The following DYNC1I1 variants were observed in gnomAD, a reference collection of about 807,000 sequenced individuals.
The protein encoded by DYNC1I1 is cytoplasmic dynein 1 intermediate chain 1.
A neutral mutation model predicts 86.6 loss-of-function variants in DYNC1I1; 43 were observed. The ratio of observed to expected loss-of-function variants is 0.50; its 90% CI spans 0.39 to 0.64. The LOEUF is 0.64. DYNC1I1 is among the 30% of genes least tolerant of loss of function. DYNC1I1 has a pLI of 0.00. For synonymous variants in DYNC1I1, 262 were observed against 283.7 expected, an observed-to-expected ratio of 0.92 and a Z score of 0.77; for missense variants, 604 against 788.8, an observed-to-expected ratio of 0.77 and a Z score of 2.81.
At chr7:96,028,023 G>A in intron 10 of DYNC1I1, 152 bp from the exon 11 acceptor site, 1 of 1,111,020 alleles carries the variant, frequency 9.0e-7, no homozygotes, top group Non-Finnish European at 1.3e-6. Flanking sequence ...AAATTTCTTA[G>A]TAACTATGCA....
chr7:96,109,066 G>C (rs1333398078), intron 16 of DYNC1I1, among the ~76,000 whole-genome samples: 1 of 151,960 alleles, frequency 6.6e-6, no homozygotes, highest in Non-Finnish European at 1.5e-5. Context: ...TGTAGACTCT[G>C]TACTGCTGTC....
chr7:95,868,678 T>A (rs559191531), intron 5 of DYNC1I1, among the ~76,000 whole-genome samples: 8 of 152,278 alleles, frequency 5.3e-5, no homozygotes, highest in African/African-American at 1.9e-4. Flanking sequence ...CCAGAAGCTG[T>A]TTTAAAATAC....
chr7:96,023,465 G>A (rs958129836), intron 10 of DYNC1I1, among the ~76,000 whole-genome samples: 2 of 152,186 alleles, frequency 1.3e-5, no homozygotes, highest in African/African-American at 4.8e-5. Flanking sequence ...TGGGTCTGTG[G>A]TTAAGGGGAA....
chr7:95,835,941 A>G (rs912237972), intron 5 of DYNC1I1, among the ~76,000 whole-genome samples: 5 of 152,164 alleles, frequency 3.3e-5, no homozygotes, highest in Non-Finnish European at 2.9e-5. Flanking sequence ...GCCAGTCTGT[A>G]TCTTTTAATT....
chr7:95,807,503 T>C (rs990535248), intron 2 of DYNC1I1, among the ~76,000 whole-genome samples: 4 of 152,242 alleles, frequency 2.6e-5, no homozygotes, highest in Admixed American at 2.6e-4. Flanking sequence ...CAGGACTCTC[T>C]TTTTGCCTCC....
intron 12 of DYNC1I1, among the ~76,000 whole-genome samples, chr7:96,033,700 A>C (rs377544618): frequency 1.3e-5 from 2 of 152,176 alleles, no homozygotes; most frequent in African/African-American, 4.8e-5. Flanking sequence ...TTTTAGAAGA[A>C]GTTAAAGTTT....
intron 15 of DYNC1I1, among the ~76,000 whole-genome samples, chr7:96,076,885 T>C (rs1026873679): frequency 6.6e-6 from 1 of 152,356 alleles, no homozygotes; most frequent in Non-Finnish European, 1.5e-5. Context: ...TTTTAAATTA[T>C]GCTATAAAAA....
chr7:95,912,635 G>A (rs950866703), intron 6 of DYNC1I1, among the ~76,000 whole-genome samples: 5 of 152,200 alleles, frequency 3.3e-5, no homozygotes, highest in Admixed American at 2.0e-4. Flanking sequence ...AGAAGGAACC[G>A]TTCTAGCCAG....
intron 7 of DYNC1I1, among the ~76,000 whole-genome samples, chr7:95,983,044 CATTG>C (rs1793494386): frequency 6.6e-6 from 1 of 152,170 alleles, no homozygotes; most frequent in African/African-American, 2.4e-5. Flanking sequence ...AGCTTCAGTG[CATTG>C]ATTAACTAAT....
intron 10 of DYNC1I1, among the ~76,000 whole-genome samples, chr7:96,011,182 G>A (rs1794267321): frequency 6.6e-6 from 1 of 152,122 alleles, no homozygotes. Flanking sequence ...CCACCAAGGG[G>A]TGACATTTCT....
intron 1 of DYNC1I1, among the ~76,000 whole-genome samples, chr7:95,782,881 C>T (rs1031855862): frequency 2.0e-5 from 3 of 152,130 alleles, no homozygotes; most frequent in African/African-American, 7.2e-5. Context: ...GCTCTCTGAC[C>T]TTCCCCAGCC....
At chr7:95,839,885 G>C (rs1397334547) in intron 5 of DYNC1I1, among the ~76,000 whole-genome samples, 1 of 151,636 alleles carries the variant, frequency 6.6e-6, no homozygotes, top group East Asian at 1.9e-4. Flanking sequence ...TCAGCACTTT[G>C]AATATATCAC....
intron 9 of DYNC1I1, among the ~76,000 whole-genome samples, chr7:95,994,877 T>C (rs974107816): frequency 6.6e-6 from 1 of 152,064 alleles, no homozygotes; most frequent in African/African-American, 2.4e-5. Flanking sequence ...ACCTTAAAGA[T>C]AGAAAGAAAA....
At chr7:96,066,828 C>A (rs1387438853) in intron 14 of DYNC1I1, among the ~76,000 whole-genome samples, 1 of 152,186 alleles carries the variant, frequency 6.6e-6, no homozygotes, top group Non-Finnish European at 1.5e-5. Flanking sequence ...CTTATTATAT[C>A]ATAATTTTCA....
intron 6 of DYNC1I1, among the ~76,000 whole-genome samples, chr7:95,927,953 TTTCACAGA>T (rs1453783462): frequency 2.0e-5 from 3 of 152,176 alleles, no homozygotes; most frequent in Non-Finnish European, 4.4e-5. Context: ...GCAGCGTCTG[TTTCACAGA>T]ACCCAAGGCC....
At chr7:96,053,422 T>C (rs1014331456) in intron 14 of DYNC1I1, among the ~76,000 whole-genome samples, 3 of 152,230 alleles carry the variant, frequency 2.0e-5, no homozygotes, top group Non-Finnish European at 4.4e-5. Flanking sequence ...GTTTGGCTTT[T>C]CTTTTTATCA....
intron 6 of DYNC1I1, among the ~76,000 whole-genome samples, chr7:95,881,744 C>G (rs1434590133): frequency 6.6e-6 from 1 of 152,324 alleles, no homozygotes; most frequent in East Asian, 1.9e-4. Context: ...TTTTGATTCC[C>G]TCTGCCTGAT....
intron 5 of DYNC1I1, 108 bp downstream of exon 5, chr7:95,828,224 A>C: frequency 8.1e-7 from 1 of 1,233,704 alleles, no homozygotes; most frequent in Non-Finnish European, 1.2e-6. Flanking sequence ...TTGAACTTCC[A>C]GTTTGATAAG....
rs567533553 is a variant in DYNC1I1, at chr7:95,890,511, G to A, written c.490+20513G>A. Among the ~76,000 whole-genome samples, 5 of 151,988 alleles carry A rather than the reference G, an allele frequency of 3.3e-5. No individual in the cohort carries two copies. In the East Asian group the frequency reaches 7.7e-4, roughly 23 times the overall value. On this transcript the variant is annotated intron_variant, in intron 6 of 16. Transcript: ENST00000447467. ...CTAGGCTTGGTACCTGAGTGAGAAA[G>A]TAATCTGTTCAACAAACCCCTGTGA...
Sources: gnomAD v4.1 joint callset for allele counts (sites outside exome capture counted in the v4.1 genomes callset) on GRCh38, gnomAD v4.1.1 for gene constraint, MANE v1.5 for transcripts, NCBI Gene and HGNC (gene_info 2026-07-23, HGNC 2026-07-21) for gene names.